Variants in KCNK2 observed in about 807,000 individuals in gnomAD.
KCNK2 encodes the protein potassium two pore domain channel subfamily K member 2.
KCNK2 carries 21 observed loss-of-function variants against 40.5 expected under a neutral mutation model. The ratio of observed to expected loss-of-function variants is 0.52; its 90% CI spans 0.37 to 0.75. The LOEUF (loss-of-function observed/expected upper bound fraction) is 0.75. KCNK2 is among the 30% of genes least tolerant of loss of function. The pLI is 0.00. For synonymous variants in KCNK2, 191 were observed against 202.2 expected (o/e 0.94, Z 0.47); for missense variants, 399 against 531.6 (o/e 0.75, Z 2.45).
At chr1:215,228,530 C>A (rs995252854) in intron 6 of KCNK2, among the ~76,000 whole-genome samples, 2 of 152,146 alleles carry the variant, frequency 1.3e-5, no homozygotes, top group Non-Finnish European at 2.9e-5. Flanking sequence ...CCAGTAAAGA[C>A]CTCTTTCTTC....
At chr1:215,196,319 T>C (rs1373330338) in intron 6 of KCNK2, among the ~76,000 whole-genome samples, 1 of 151,944 alleles carries the variant, frequency 6.6e-6, no homozygotes, top group African/African-American at 2.4e-5. Context: ...CTCCTGACCT[T>C]CAAGTGATCT....
chr1:215,009,368 G>A (rs1359927912), intron 1 of KCNK2, among the ~76,000 whole-genome samples: 2 of 152,256 alleles, frequency 1.3e-5, no homozygotes, highest in East Asian at 3.9e-4. Context: ...TACTGTATTT[G>A]TGAGAGTGTC....
intron 3 of KCNK2, among the ~76,000 whole-genome samples, chr1:215,165,176 G>T (rs1663386678): frequency 6.6e-6 from 1 of 152,090 alleles, no homozygotes; most frequent in African/African-American, 2.4e-5. Context: ...GCTTTCCATA[G>T]CTTGCACCAA....
At chr1:215,085,550 A>G (rs189126493) in intron 1 of KCNK2, among the ~76,000 whole-genome samples, 136 of 152,338 alleles carry the variant, frequency 8.9e-4, no homozygotes, top group African/African-American at 3.1e-3. Context: ...CTTTGAACAG[A>G]GCATGTAGAC....
chr1:215,137,199 T>A (rs554378291), intron 3 of KCNK2, among the ~76,000 whole-genome samples: 136 of 152,320 alleles, frequency 8.9e-4, no homozygotes, highest in Non-Finnish European at 1.6e-3. Flanking sequence ...GCATTTAGAG[T>A]ATTGTACCAA....
upstream of KCNK2, among the ~76,000 whole-genome samples, chr1:215,082,686 G>T (rs1659214146): frequency 6.6e-6 from 1 of 151,944 alleles, no homozygotes; most frequent in Non-Finnish European, 1.5e-5. Context: ...AAGCCCTGGC[G>T]GTGAGACAGG....
At chr1:215,188,526 A>C (rs1226584031) in intron 5 of KCNK2, among the ~76,000 whole-genome samples, 2 of 152,156 alleles carry the variant, frequency 1.3e-5, no homozygotes, top group African/African-American at 2.4e-5. Flanking sequence ...GAGTGCTCAG[A>C]GCTTGCTCAA....
chr1:215,224,598 A>C (rs1202928729), intron 6 of KCNK2, among the ~76,000 whole-genome samples: 1 of 152,162 alleles, frequency 6.6e-6, no homozygotes, highest in Admixed American at 6.5e-5. Flanking sequence ...TCTTTAAATC[A>C]TGTTACACTT....
chr1:215,089,294 T>C (rs1659593467), intron 2 of KCNK2, among the ~76,000 whole-genome samples: 1 of 152,238 alleles, frequency 6.6e-6, no homozygotes, highest in Non-Finnish European at 1.5e-5. Context: ...CCTAGAAGTC[T>C]CTGCTCTTTT....
intron 1 of KCNK2, among the ~76,000 whole-genome samples, chr1:215,063,693 G>A (rs1165671564): frequency 6.6e-6 from 1 of 152,144 alleles, no homozygotes; most frequent in Non-Finnish European, 1.5e-5. Context: ...CTGAGAGAAT[G>A]GCATGAGAGC....
intron 6 of KCNK2, among the ~76,000 whole-genome samples, chr1:215,221,457 A>G (rs986667086): frequency 1.3e-5 from 2 of 152,232 alleles, no homozygotes; most frequent in African/African-American, 4.8e-5. Flanking sequence ...CTTACTGATA[A>G]CAGTCAACAC....
intron 3 of KCNK2, among the ~76,000 whole-genome samples, chr1:215,148,935 A>AT: frequency 6.6e-6 from 1 of 152,210 alleles, no homozygotes; most frequent in South Asian, 2.1e-4. Context: ...AGTTCAGCTT[A>AT]TTTTTTTCAG....
chr1:215,114,428 G>A (rs1660832052), intron 2 of KCNK2, among the ~76,000 whole-genome samples: 2 of 152,112 alleles, frequency 1.3e-5, no homozygotes, highest in Admixed American at 6.6e-5. Context: ...GTGTCAAAGG[G>A]TAGCTCCATT....
intron 5 of KCNK2, among the ~76,000 whole-genome samples, chr1:215,177,740 A>ATATATATATATATATT (rs71167812): frequency 2.0e-5 from 2 of 101,580 alleles, no homozygotes; most frequent in African/African-American, 7.0e-5. Flanking sequence ...ATATATATAT[A>ATATATATATATATATT]TTTTTTTTTT....
At chr1:215,230,505 C>CTG (rs201557424) in intron 6 of KCNK2, among the ~76,000 whole-genome samples, 19,869 of 65,046 alleles carry the variant, frequency 0.31, 2,244 homozygotes, top group Middle Eastern at 0.44. Context: ...ACACACACGG[C>CTG]TGTATATATA....
intron 6 of KCNK2, among the ~76,000 whole-genome samples, chr1:215,196,887 A>C (rs1288726061): frequency 3.9e-5 from 6 of 152,198 alleles, no homozygotes; most frequent in Non-Finnish European, 8.8e-5. Context: ...AATGGATTTG[A>C]AAACACATGC....
At chr1:215,024,970 G>C (rs1207377688) in intron 1 of KCNK2, among the ~76,000 whole-genome samples, 1 of 124,384 alleles carries the variant, frequency 8.0e-6, no homozygotes. Context: ...TTTTTTAACT[G>C]AGATAAAACA....
chr1:215,137,988 A>G (rs548788836), intron 3 of KCNK2, among the ~76,000 whole-genome samples: 6 of 152,172 alleles, frequency 3.9e-5, no homozygotes, highest in Non-Finnish European at 7.3e-5. Flanking sequence ...TAAACCACAA[A>G]AGGGTTTAGA....
intron 1 of KCNK2, among the ~76,000 whole-genome samples, chr1:215,075,051 T>C (rs953072079): frequency 5.3e-5 from 8 of 152,222 alleles, no homozygotes; most frequent in Non-Finnish European, 1.0e-4. Flanking sequence ...AATTAACATA[T>C]GCTGTATGTA....
Sources: allele counts gnomAD v4.1 joint callset (sites outside exome capture counted in the v4.1 genomes callset), GRCh38; gene constraint gnomAD v4.1.1; transcripts MANE v1.5; gene names NCBI Gene and HGNC (gene_info 2026-07-23, HGNC 2026-07-21).